REPS2: variants seen among roughly 807,000 people sequenced by gnomAD.
The protein encoded by REPS2 is ralBP1-associated Eps domain-containing protein 2.
A neutral mutation model predicts 53.6 loss-of-function variants in REPS2; 23 were observed. The ratio of observed to expected loss-of-function variants is 0.43; its 90% confidence interval spans 0.31 to 0.61. REPS2 has a LOEUF of 0.61. Ranked by LOEUF, REPS2 falls within the 20% of genes least tolerant of loss-of-function variation. The pLI is 0.11. For missense variants in REPS2, 446 were observed against 534.9 expected (o/e 0.83, Z 1.64); for synonymous variants, 238 against 218.6 (o/e 1.09, Z -0.78).
chrX:17,079,566 A>G (rs2062427061), intron 13 of REPS2, among the ~76,000 whole-genome samples: 1 of 112,293 alleles, frequency 8.9e-6, no homozygotes, highest in African/African-American at 3.2e-5. Flanking sequence ...GCTTTCTTTG[A>G]TATCTCTGTG....
At chrX:17,048,211 A>G in intron 6 of REPS2, among the ~76,000 whole-genome samples, 1 of 112,737 alleles carries the variant, frequency 8.9e-6, no homozygotes, top group Non-Finnish European at 1.9e-5. Context: ...GCCATATTGA[A>G]GTGTGGGCAA....
chrX:17,180,856 T>C, the REPS2 span, among the ~76,000 whole-genome samples: 3 of 111,572 alleles, frequency 2.7e-5, no homozygotes, highest in African/African-American at 9.8e-5. Flanking sequence ...CACATCTCAA[T>C]GTCAAAAATA....
intron 2 of REPS2, among the ~76,000 whole-genome samples, chrX:17,013,110 C>T (rs1227816104): frequency 8.0e-5 from 9 of 112,293 alleles, no homozygotes; most frequent in Non-Finnish European, 1.7e-4. Flanking sequence ...GTCCCAGCTG[C>T]GGAAGGGGAC....
At chrX:17,071,135 A>G (rs1459164986) in intron 11 of REPS2, among the ~76,000 whole-genome samples, 3 of 112,226 alleles carry the variant, frequency 2.7e-5, no homozygotes, top group African/African-American at 6.5e-5. Context: ...TCCCAAGCTT[A>G]ATTTTGACTC....
chrX:17,177,271 G>C, the REPS2 span, among the ~76,000 whole-genome samples: 1 of 112,196 alleles, frequency 8.9e-6, no homozygotes, highest in Non-Finnish European at 1.9e-5. Context: ...AGGTGAAAGT[G>C]CTCCCAAATC....
At chrX:17,012,719 A>G (rs1299450615) in intron 2 of REPS2, among the ~76,000 whole-genome samples, 1 of 111,461 alleles carries the variant, frequency 9.0e-6, no homozygotes, top group African/African-American at 3.3e-5. Context: ...ATTAGGACAA[A>G]AGGATGAGTT....
intron 13 of REPS2, among the ~76,000 whole-genome samples, chrX:17,096,755 A>C (rs1040363757): frequency 9.0e-6 from 1 of 111,040 alleles, no homozygotes; most frequent in Non-Finnish European, 1.9e-5. Context: ...AAAAAGACCA[A>C]ATAGAACTTC....
intron 14 of REPS2, among the ~76,000 whole-genome samples, chrX:17,132,548 C>G (rs771509101): frequency 2.4e-4 from 27 of 112,109 alleles, no homozygotes; most frequent in Middle Eastern, 4.2e-3. Flanking sequence ...TCTTTTTTTT[C>G]TTTCCTGAGA....
At chrX:17,017,632 A>G (rs753726536) in intron 2 of REPS2, among the ~76,000 whole-genome samples, 1 of 111,839 alleles carries the variant, frequency 8.9e-6, no homozygotes, top group African/African-American at 3.2e-5. Context: ...TCATCCCACC[A>G]TACAGAATAC....
intron 1 of REPS2, among the ~76,000 whole-genome samples, chrX:16,965,804 C>G (rs1452614356): frequency 8.9e-6 from 1 of 112,678 alleles, no homozygotes; most frequent in Non-Finnish European, 1.9e-5. Context: ...CGCCACTGCA[C>G]TCCAGCCTGG....
intron 1 of REPS2, among the ~76,000 whole-genome samples, chrX:16,958,603 C>CT (rs2147625780): frequency 8.9e-6 from 1 of 112,003 alleles, no homozygotes; most frequent in East Asian, 2.8e-4. Flanking sequence ...GAACAATAGT[C>CT]ATGAAAGAAT....
chrX:16,988,484 C>G (rs1402353279), intron 1 of REPS2, among the ~76,000 whole-genome samples: 4 of 111,550 alleles, frequency 3.6e-5, no homozygotes, highest in Non-Finnish European at 7.5e-5. Context: ...ATTAAAAATA[C>G]AATACCATTT....
intron 1 of REPS2, among the ~76,000 whole-genome samples, chrX:16,987,838 T>C (rs1448772702): frequency 8.9e-6 from 1 of 112,718 alleles, no homozygotes; most frequent in African/African-American, 3.2e-5. Flanking sequence ...TTATTTTCCC[T>C]TTATTTCTTG....
chrX:17,014,073 A>G (rs1292679192), intron 2 of REPS2, among the ~76,000 whole-genome samples: 1 of 111,630 alleles, frequency 9.0e-6, no homozygotes. Flanking sequence ...TTAGCAGGAA[A>G]ATACACATTG....
intron 4 of REPS2, 46 bp from the exon 5 acceptor site, chrX:17,029,480 A>T (rs1490150250): frequency 2.2e-6 from 2 of 911,250 alleles, no homozygotes; most frequent in African/African-American, 4.0e-5. Context: ...TAATTTTTGA[A>T]TGGAATCTTT....
At chrX:16,949,730 A>G (rs1602475123) in intron 1 of REPS2, among the ~76,000 whole-genome samples, 1 of 104,449 alleles carries the variant, frequency 9.6e-6, no homozygotes, top group South Asian at 4.0e-4. Context: ...TTAATAGACT[A>G]TTTTTTTTTT....
chrX:17,094,738 C>A (rs942915376), intron 13 of REPS2, among the ~76,000 whole-genome samples: 1 of 111,645 alleles, frequency 9.0e-6, no homozygotes, highest in Non-Finnish European at 1.9e-5. Context: ...TAGCAAATAG[C>A]ATTTCTTATG....
Position 17,149,344 on chromosome X carries a change from C to T in REPS2, c.*1863C>T, listed in dbSNP as rs1044736310. The T allele has an allele frequency of 3.5e-5, 5 of 140,950 alleles. No individual in the cohort carries two copies. In the East Asian group the frequency reaches 9.4e-4, roughly 26 times the overall value. The allele number at this position is 140,950 out of a possible 1,213,427, so 11.6% of individuals were successfully genotyped here. ...TTTTTGAGATGGAGACTTGCTCTGT[C>T]GCCCAGGCTGGAGCGCAGTGGCGCA... On this transcript the variant is annotated 3_prime_UTR_variant, in exon 18 of 18. Transcript: ENST00000357277.
At chrX:16,964,001 AT>A (rs1203481710) in intron 1 of REPS2, among the ~76,000 whole-genome samples, 68 of 108,571 alleles carry the variant, frequency 6.3e-4, no homozygotes, top group East Asian at 1.4e-3. Context: ...CCTTTGGGCA[AT>A]TTTTTTTTAA....
Sources: allele counts gnomAD v4.1 joint callset (sites outside exome capture counted in the v4.1 genomes callset), GRCh38; gene constraint gnomAD v4.1.1; transcripts MANE v1.5; gene names NCBI Gene and HGNC (gene_info 2026-07-23, HGNC 2026-07-21).